WIPI1: variants seen among roughly 807,000 people sequenced by gnomAD.
WIPI1 encodes the protein WD repeat domain, phosphoinositide interacting 1.
In WIPI1, 45 loss-of-function variants were observed where a neutral mutation model predicts 55.3. The ratio of observed to expected loss-of-function variants is 0.81; its 90% CI spans 0.64 to 1.04. The LOEUF (loss-of-function observed/expected upper bound fraction) is 1.04, where lower values mean the gene tolerates loss of function less well. Among genes scored for constraint, WIPI1 ranks in the 50% least tolerant of loss-of-function variants. WIPI1 has a pLI of 0.00. For missense variants in WIPI1, 445 were observed against 559.0 expected (o/e 0.80, Z 2.06); for synonymous variants, 195 against 217.6 (o/e 0.90, Z 0.92).
At chr17:68,425,926 A>G (rs2147743710) in intron 12 of WIPI1, 149 bp downstream of exon 12, 3 of 663,102 alleles carry the variant, frequency 4.5e-6, no homozygotes, top group Non-Finnish European at 7.8e-6. Context: ...CAGTACAACA[A>G]ATATCCTATG....
intron 12 of WIPI1, chr17:68,424,503 A>G (rs1201873077): frequency 3.7e-6 from 2 of 534,540 alleles, no homozygotes; most frequent in African/African-American, 1.9e-5. Flanking sequence ...TCCATAACAA[A>G]GCCTAATGGA....
At chr17:68,441,423 G>A (rs895107590) in intron 4 of WIPI1, among the ~76,000 whole-genome samples, 1 of 152,254 alleles carries the variant, frequency 6.6e-6, no homozygotes, top group Non-Finnish European at 1.5e-5. Flanking sequence ...ACGAGTGATT[G>A]TGTCTTCCTT....
intron 8 of WIPI1, among the ~76,000 whole-genome samples, chr17:68,430,673 T>C (rs1023534778): frequency 2.6e-5 from 4 of 152,176 alleles, no homozygotes; most frequent in Non-Finnish European, 5.9e-5. Flanking sequence ...CCAGCATGTG[T>C]AATGATGGAG....
At position 68,434,594 on chromosome 17, in the gene WIPI1, A is replaced by T; in HGVS notation, c.654T>A (p.Asp218Glu). The change falls in exon 7 of 13, where the codon GAT becomes GAA. Residue 218 changes from aspartate (D) to glutamate (E), a missense_variant. Physicochemically the swap from Asp to Glu is conservative, Grantham distance 45 (BLOSUM62 2). Transcript: ENST00000262139. The stretch of plus-strand genomic sequence containing the variant: ...TCCGGAACTCATAGAGCTTTTGCCC[A>T]TCAGGGACAGAGAACACCCGGATGA... ...GTVIRVFSVP[D>E]GQKLYEFRRG... The T allele has an allele frequency of 6.2e-7, 1 of 1,614,054 alleles. No individual in the cohort carries two copies. Among genetic ancestry groups the T allele is most frequent in the Non-Finnish European group, 8.5e-7 (1 of 1,179,934 alleles).
At chr17:68,440,214 A>G (rs1159043490) in intron 4 of WIPI1, among the ~76,000 whole-genome samples, 5 of 152,326 alleles carry the variant, frequency 3.3e-5, no homozygotes, top group East Asian at 1.9e-4. Context: ...TCCTACCCTT[A>G]CAGACTTAAT....
intron 12 of WIPI1, among the ~76,000 whole-genome samples, chr17:68,424,925 G>T (rs766499346): frequency 3.3e-5 from 5 of 152,212 alleles, no homozygotes; most frequent in Non-Finnish European, 7.3e-5. Context: ...ATGATTTCAG[G>T]TTGACTATCT....
At position 68,427,253 on chromosome 17, in the gene WIPI1, G is replaced by A. The variant is rs991564265; in HGVS notation, c.1074C>T (p.Ser358=). ...CTTCTGTTGTTCCTGAGCCAAGCAAGCTACTTGTGACAATCAAGAGGAGGT... is the reference window on the plus strand; with the variant it reads ...CTTCTGTTGTTCCTGAGCCAAGCAAACTACTTGTGACAATCAAGAGGAGGT... ...GGECVLIKTH[S]LLGSGTTEEN... Residue 358 remains serine (S), a splice_region_variant and synonymous_variant, in exon 11 of 13, where the codon AGC becomes AGT. Transcript: ENST00000262139. 1.2e-6 allele frequency: 2 copies of A among 1,611,434 alleles called. No individual in the cohort carries two copies. The highest frequency in any genetic ancestry group is 1.3e-5 in the African/African-American group (1 of 74,874).
chr17:68,455,160 A>ATACTAGT (rs2084614989), intron 1 of WIPI1, among the ~76,000 whole-genome samples: 1 of 152,114 alleles, frequency 6.6e-6, no homozygotes, highest in Non-Finnish European at 1.5e-5. Flanking sequence ...TCAGGAGTTC[A>ATACTAGT]AGACCAAGCT....
intron 8 of WIPI1, among the ~76,000 whole-genome samples, chr17:68,430,959 A>C (rs1020154139): frequency 2.0e-5 from 3 of 152,130 alleles, no homozygotes; most frequent in African/African-American, 7.2e-5. Flanking sequence ...CCAATGGGCT[A>C]GGGGGTCTTT....
chr17:68,421,847 T>G, intron 12 of WIPI1, 27 bp from the exon 13 acceptor site: 2 of 1,614,116 alleles, frequency 1.2e-6, no homozygotes, highest in East Asian at 4.5e-5. Context: ...AGAATGGCCT[T>G]ACTCTTCTCA....
intron 6 of WIPI1, 39 bp downstream of exon 6, chr17:68,435,581 G>A (rs751667838): frequency 6.2e-6 from 10 of 1,600,316 alleles, no homozygotes; most frequent in Middle Eastern, 1.8e-4. Context: ...GAGCCATCCA[G>A]CGAAACCCAG....
At chr17:68,433,301 A>G (rs1568632265) in intron 8 of WIPI1, among the ~76,000 whole-genome samples, 167 bp downstream of exon 8, 1 of 152,260 alleles carries the variant, frequency 6.6e-6, no homozygotes, top group Non-Finnish European at 1.5e-5. Flanking sequence ...GCTTTTGTGC[A>G]TCATGCCTCC....
At chr17:68,446,102 C>T (rs2084273146) in intron 3 of WIPI1, among the ~76,000 whole-genome samples, 2 of 152,140 alleles carry the variant, frequency 1.3e-5, no homozygotes, top group Non-Finnish European at 2.9e-5. Context: ...CTGCTATTCC[C>T]CAAGGAAGAC....
At position 68,444,574 on chromosome 17, in the gene WIPI1, G is replaced by A. The variant is rs2084207084; in HGVS notation, c.349C>T (p.Leu117=). 1 of 1,613,782 alleles carries A rather than the reference G, an allele frequency of 6.2e-7. No homozygotes were observed. The highest frequency in any genetic ancestry group is 2.2e-5 in the East Asian group (1 of 44,858). ...RLNRQRLLVC[L]EESIYIHNIK... Reference sequence around the variant, plus strand: ...TTGTGAATATAAATGGACTCTTCTAGGCAAACCAGCAGCCTCTGTAATCAC... The same window carrying A: ...TTGTGAATATAAATGGACTCTTCTAAGCAAACCAGCAGCCTCTGTAATCAC... Residue 117 remains leucine (L), a synonymous_variant, in exon 4 of 13, where the codon CTA becomes TTA. Coordinates refer to ENST00000262139, the MANE Select transcript of WIPI1 (RefSeq NM_017983.7).
chr17:68,454,886 C>T (rs934995679), intron 1 of WIPI1, among the ~76,000 whole-genome samples: 1 of 149,306 alleles, frequency 6.7e-6, no homozygotes, highest in East Asian at 2.0e-4. Context: ...GAGAAAATCA[C>T]AGAGTGATGT....
intron 1 of WIPI1, 122 bp downstream of exon 1, chr17:68,457,220 G>C: frequency 1.7e-6 from 2 of 1,209,842 alleles, no homozygotes; most frequent in African/African-American, 1.6e-5. Flanking sequence ...GTCCGAAGCA[G>C]ACACCGGCCC....
At chr17:68,442,399 A>C (rs1205849047) in intron 4 of WIPI1, among the ~76,000 whole-genome samples, 1 of 150,632 alleles carries the variant, frequency 6.6e-6, no homozygotes, top group Non-Finnish European at 1.5e-5. Flanking sequence ...CGGGAGGCGA[A>C]GGTTGCAGTG....
intron 8 of WIPI1, 86 bp from the exon 9 acceptor site, chr17:68,430,246 C>A: frequency 1.5e-6 from 2 of 1,368,946 alleles, no homozygotes; most frequent in Non-Finnish European, 2.0e-6. Context: ...CGTCATTAGC[C>A]ACACTCCCCG....
At chr17:68,425,372 TTTTTC>T (rs1239549090) in intron 12 of WIPI1, among the ~76,000 whole-genome samples, 10 of 134,736 alleles carry the variant, frequency 7.4e-5, no homozygotes, top group Non-Finnish European at 1.1e-4. Flanking sequence ...CCCGGCTAAT[TTTTTC>T]TTTTCTTTTT....
Sources: allele counts gnomAD v4.1 joint callset (sites outside exome capture counted in the v4.1 genomes callset), GRCh38; gene constraint gnomAD v4.1.1; transcripts MANE v1.5; gene names NCBI Gene and HGNC (gene_info 2026-07-23, HGNC 2026-07-21).